The following SYNPR variants were observed in gnomAD, a reference collection of about 807,000 sequenced individuals.
SYNPR encodes synaptoporin.
SYNPR carries 23 observed loss-of-function variants against 32.9 expected under a neutral mutation model. The observed-to-expected ratio is 0.70, with a 90% CI of 0.50 to 0.99. The LOEUF (loss-of-function observed/expected upper bound fraction) is 0.99, where lower values mean the gene tolerates loss of function less well. Ranked by LOEUF, SYNPR falls within the 50% of genes least tolerant of loss-of-function variation. The pLI is 0.00. For synonymous variants in SYNPR, 146 were observed against 135.9 expected (o/e 1.07, Z -0.52); for missense variants, 318 against 349.3 (o/e 0.91, Z 0.71).
chr3:63,341,087 G>A (rs774450323), intron 2 of SYNPR, among the ~76,000 whole-genome samples: 3 of 152,012 alleles, frequency 2.0e-5, no homozygotes, highest in Non-Finnish European at 1.5e-5. Context: ...ACTTTTTATG[G>A]TCTCTATAGT....
At chr3:63,478,172 G>A (rs899509050) in intron 2 of SYNPR, among the ~76,000 whole-genome samples, 7 of 152,136 alleles carry the variant, frequency 4.6e-5, no homozygotes, top group African/African-American at 7.2e-5. Flanking sequence ...TCCTTTCCAC[G>A]TATCTAACAT....
At chr3:63,487,651 C>T (rs1701181190) in intron 3 of SYNPR, among the ~76,000 whole-genome samples, 1 of 152,306 alleles carries the variant, frequency 6.6e-6, no homozygotes, top group Non-Finnish European at 1.5e-5. Context: ...TTAACTGTCT[C>T]TTGATTAACG....
chr3:63,545,750 C>T (rs1224170377), intron 3 of SYNPR, among the ~76,000 whole-genome samples: 1 of 152,014 alleles, frequency 6.6e-6, no homozygotes, highest in Non-Finnish European at 1.5e-5. Flanking sequence ...AGAACCTTAC[C>T]TTTTCCTCCT....
At chr3:63,419,276 T>C (rs2107129081) in intron 2 of SYNPR, among the ~76,000 whole-genome samples, 1 of 152,316 alleles carries the variant, frequency 6.6e-6, no homozygotes, top group South Asian at 2.1e-4. Context: ...GTTGCCTCCC[T>C]GCCCCAGCCT....
At chr3:63,286,748 G>A (rs563300404) in intron 2 of SYNPR, among the ~76,000 whole-genome samples, 1 of 152,114 alleles carries the variant, frequency 6.6e-6, no homozygotes, top group Non-Finnish European at 1.5e-5. Context: ...ACTAGCTTAG[G>A]CTCCTTTAAA....
intron 3 of SYNPR, among the ~76,000 whole-genome samples, chr3:63,499,273 G>A (rs1701433731): frequency 6.6e-6 from 1 of 152,170 alleles, no homozygotes. Context: ...TCCAAGAACT[G>A]GAAGGATGAT....
chr3:63,538,059 T>A (rs538055872), intron 3 of SYNPR, among the ~76,000 whole-genome samples: 1 of 151,944 alleles, frequency 6.6e-6, no homozygotes, highest in Non-Finnish European at 1.5e-5. Context: ...AATATTTCCT[T>A]GCCCTACCAC....
chr3:63,268,780 T>A (rs1382149048), intron 3 of SYNPR, among the ~76,000 whole-genome samples: 1 of 152,192 alleles, frequency 6.6e-6, no homozygotes, highest in Non-Finnish European at 1.5e-5. Context: ...AAGGATCAAC[T>A]GTATTTTGAA....
At chr3:63,373,960 A>C (rs1446377280) in intron 2 of SYNPR, among the ~76,000 whole-genome samples, 1 of 152,224 alleles carries the variant, frequency 6.6e-6, no homozygotes, top group Non-Finnish European at 1.5e-5. Context: ...TCCAATCAAG[A>C]ATTTAATATT....
chr3:63,578,009 G>C (rs1346053832), intron 4 of SYNPR, among the ~76,000 whole-genome samples: 1 of 152,152 alleles, frequency 6.6e-6, no homozygotes, highest in African/African-American at 2.4e-5. Context: ...TTTCTTGAAG[G>C]CTTACTACAT....
chr3:63,517,325 T>A (rs567549952), intron 3 of SYNPR, among the ~76,000 whole-genome samples: 1 of 152,280 alleles, frequency 6.6e-6, no homozygotes, highest in East Asian at 1.9e-4. Flanking sequence ...AATGAGCTAA[T>A]GTGTTTTCCA....
chr3:63,389,036 G>A (rs768261712), intron 2 of SYNPR, among the ~76,000 whole-genome samples: 4 of 152,076 alleles, frequency 2.6e-5, no homozygotes, highest in Non-Finnish European at 5.9e-5. Flanking sequence ...TATTTTTATC[G>A]AATTTTGATC....
Position 63,528,048 on chromosome 3 carries a change from CATGTTCAT to C in SYNPR, c.210-28492_210-28485del, listed in dbSNP as rs1365722636. On this transcript the variant is annotated intron_variant, in intron 3 of 5. Transcript: ENST00000478300. ...CTGCTGGTCTCTCACCTCCTTCCCA[CATGTTCAT>C]ATCTGATTTTGAGAAAAATCCCACT... 3.3e-5 allele frequency among the ~76,000 whole-genome samples: 5 copies of C among 152,310 alleles called. No individual in the cohort carries two copies. In the East Asian group the frequency reaches 7.7e-4, roughly 24 times the overall value.
At chr3:63,564,784 T>C (rs1000178107) in intron 4 of SYNPR, among the ~76,000 whole-genome samples, 4 of 152,208 alleles carry the variant, frequency 2.6e-5, no homozygotes, top group Admixed American at 6.5e-5. Context: ...TAAATGAAGG[T>C]TCATTCCCAC....
chr3:63,528,871 G>C (rs1702063442), intron 3 of SYNPR, among the ~76,000 whole-genome samples: 1 of 152,112 alleles, frequency 6.6e-6, no homozygotes, highest in Admixed American at 6.5e-5. Context: ...TTCATCCTTT[G>C]AATGACTAGA....
chr3:63,285,312 T>A (rs553272655), intron 2 of SYNPR, among the ~76,000 whole-genome samples: 1 of 152,350 alleles, frequency 6.6e-6, no homozygotes, highest in Admixed American at 6.5e-5. Flanking sequence ...TTTAAATATG[T>A]AGAAAAAGAC....
At chr3:63,516,261 T>A (rs1317229294) in intron 3 of SYNPR, among the ~76,000 whole-genome samples, 1 of 152,070 alleles carries the variant, frequency 6.6e-6, no homozygotes, top group Non-Finnish European at 1.5e-5. Flanking sequence ...TTGCCCCATC[T>A]TTGCTTATCT....
At chr3:63,257,637 A>T (rs1237510493) in intron 2 of SYNPR, among the ~76,000 whole-genome samples, 1 of 152,222 alleles carries the variant, frequency 6.6e-6, no homozygotes, top group Non-Finnish European at 1.5e-5. Context: ...AAGACCATTG[A>T]GGCTAGGAAG....
At chr3:63,380,064 C>T (rs1460754197) in intron 2 of SYNPR, among the ~76,000 whole-genome samples, 3 of 152,132 alleles carry the variant, frequency 2.0e-5, no homozygotes, top group South Asian at 2.1e-4. Context: ...ATATGTGCCA[C>T]ATTTTCTTAA....
Sources: gnomAD v4.1 joint callset for allele counts (sites outside exome capture counted in the v4.1 genomes callset) on GRCh38, gnomAD v4.1.1 for gene constraint, MANE v1.5 for transcripts, NCBI Gene and HGNC (gene_info 2026-07-23, HGNC 2026-07-21) for gene names.